The following RAP1GAP2 variants were observed in gnomAD, a reference collection of about 807,000 sequenced individuals.
The protein encoded by RAP1GAP2 is RAP1 GTPase activating protein 2.
In RAP1GAP2, 27 loss-of-function variants were observed where a neutral mutation model predicts 95.0. That is an observed-to-expected ratio of 0.28 (90% confidence interval 0.21 to 0.39). The LOEUF (loss-of-function observed/expected upper bound fraction) is 0.39. Among genes scored for constraint, RAP1GAP2 ranks in the 10% least tolerant of loss-of-function variants. RAP1GAP2 has a pLI of 1.00. For missense variants in RAP1GAP2, 771 were observed against 970.0 expected (o/e 0.79, Z 2.72); for synonymous variants, 373 against 380.9 (o/e 0.98, Z 0.24).
chr17:2,961,223 A>T (rs572291078), intron 4 of RAP1GAP2, among the ~76,000 whole-genome samples: 1 of 145,200 alleles, frequency 6.9e-6, no homozygotes, highest in East Asian at 2.1e-4. Flanking sequence ...ATCTCAAAAA[A>T]AAAAGAAGAG....
chr17:2,863,452 C>T (rs1026372230), intron 2 of RAP1GAP2, among the ~76,000 whole-genome samples: 8 of 152,294 alleles, frequency 5.3e-5, no homozygotes, highest in Middle Eastern at 3.4e-3. Context: ...CATGTCGGCC[C>T]CATGTGTGTC....
chr17:2,857,797 G>A lies in RAP1GAP2; in HGVS notation c.81-47487G>A, dbSNP rs2072207251. Among the ~76,000 whole-genome samples, 2 of 152,136 alleles carry A rather than the reference G, an allele frequency of 1.3e-5. No homozygotes were observed. Among genetic ancestry groups the A allele is most frequent in the African/African-American group, 4.8e-5 (2 of 41,432 alleles). On this transcript the variant is annotated intron_variant, in intron 2 of 24. Coordinates refer to ENST00000254695, the MANE Select transcript of RAP1GAP2 (RefSeq NM_015085.5). The surrounding 1 kb of genome is among the most constrained non-coding windows in gnomAD (Gnocchi z 4.0). ...GGGAAGGACGGAGGCCGAGGAACACGATCAAAATATGTACGTTCTTGGCCG... is the reference window on the plus strand; with the variant it reads ...GGGAAGGACGGAGGCCGAGGAACACAATCAAAATATGTACGTTCTTGGCCG...
chr17:3,029,313 G>A lies in RAP1GAP2; in HGVS notation c.2108-1609G>A, dbSNP rs759369049. Among the ~76,000 whole-genome samples, 8 of 152,140 alleles carry A rather than the reference G, an allele frequency of 5.3e-5. No individual in the cohort carries two copies. The highest frequency in any genetic ancestry group is 1.0e-4 in the Non-Finnish European group (7 of 68,036). Reference sequence around the variant, plus strand: ...GGAGCGGGTCTGGTGACTTATGGCCGGTGCTTCCCACACCACACGGTGAGG... The same window carrying A: ...GGAGCGGGTCTGGTGACTTATGGCCAGTGCTTCCCACACCACACGGTGAGG... On this transcript the variant is annotated intron_variant, in intron 22 of 24. Coordinates refer to ENST00000254695, the MANE Select transcript of RAP1GAP2 (RefSeq NM_015085.5). The surrounding 1 kb of genome is among the most constrained non-coding windows in gnomAD (Gnocchi z 4.4).
At chr17:2,766,171 G>T (rs976610209) in intron 1 of RAP1GAP2, among the ~76,000 whole-genome samples, 2 of 152,168 alleles carry the variant, frequency 1.3e-5, no homozygotes, top group Non-Finnish European at 2.9e-5. Flanking sequence ...TTAGATCCGG[G>T]ACACTGTGCG....
At position 2,902,105 on chromosome 17, in the gene RAP1GAP2, C is replaced by T. The variant is rs1307163385; in HGVS notation, c.81-3179C>T. Among the ~76,000 whole-genome samples the T allele has an allele frequency of 6.6e-6, 1 of 152,238 alleles. No individual in the cohort carries two copies. Among genetic ancestry groups the T allele is most frequent in the Non-Finnish European group, 1.5e-5 (1 of 68,050 alleles). ...AATCCTTCCTCGCCTCTTCTAGCCTCTGGCGGGGTCGGCAAGCCTCAGCAT... is the reference window on the plus strand; with the variant it reads ...AATCCTTCCTCGCCTCTTCTAGCCTTTGGCGGGGTCGGCAAGCCTCAGCAT... On this transcript the variant is annotated intron_variant, in intron 2 of 24. Transcript: ENST00000254695. The surrounding 1 kb of genome is among the most constrained non-coding windows in gnomAD (Gnocchi z 4.1).
chr17:2,951,740 A>G (rs1389945737), intron 3 of RAP1GAP2, among the ~76,000 whole-genome samples: 1 of 151,658 alleles, frequency 6.6e-6, no homozygotes, highest in Non-Finnish European at 1.5e-5. Flanking sequence ...AAATAAAAAG[A>G]CGTGAAACCT....
intron 5 of RAP1GAP2, 159 bp downstream of exon 5, chr17:2,962,873 G>T: frequency 1.5e-6 from 1 of 680,698 alleles, no homozygotes; most frequent in Non-Finnish European, 2.4e-6. Context: ...TGTTAGACCA[G>T]TGCACGGTGG....
At position 2,866,724 on chromosome 17, in the gene RAP1GAP2, C is replaced by T. The variant is rs1434222881; in HGVS notation, c.81-38560C>T. Among the ~76,000 whole-genome samples, 2 of 151,736 alleles carry T rather than the reference C, an allele frequency of 1.3e-5. No homozygotes were observed. The highest frequency in any genetic ancestry group is 2.4e-5 in the African/African-American group (1 of 41,266). Reference sequence around the variant, plus strand: ...AAGCGATTCTCCTGTCTCAGCCTCCCGAGTAGCTGGGATTACAGGTGTCCG... The same window carrying T: ...AAGCGATTCTCCTGTCTCAGCCTCCTGAGTAGCTGGGATTACAGGTGTCCG... On this transcript the variant is annotated intron_variant, in intron 2 of 24. Coordinates refer to ENST00000254695, the MANE Select transcript of RAP1GAP2 (RefSeq NM_015085.5). This position sits in a 1 kb window ranked among gnomAD's most constrained non-coding sequence, Gnocchi z 4.0.
chr17:2,995,590 G>C, intron 13 of RAP1GAP2, 124 bp downstream of exon 13: 2 of 1,339,808 alleles, frequency 1.5e-6, no homozygotes, highest in South Asian at 1.3e-5. Context: ...CATTCGTTCA[G>C]CTGCGCAGCA....
intron 12 of RAP1GAP2, among the ~76,000 whole-genome samples, chr17:2,991,734 T>C (rs1344548114): frequency 1.3e-5 from 2 of 152,132 alleles, no homozygotes; most frequent in African/African-American, 4.8e-5. Flanking sequence ...CCGTGCAGTT[T>C]TGGGGGGAAA....
At chr17:2,886,171 A>ATTTT (rs564574824) in intron 2 of RAP1GAP2, among the ~76,000 whole-genome samples, 1 of 123,360 alleles carries the variant, frequency 8.1e-6, no homozygotes, top group Admixed American at 8.8e-5. Context: ...GTATATATAT[A>ATTTT]TTTTTTTTTT....
intron 3 of RAP1GAP2, among the ~76,000 whole-genome samples, chr17:2,927,222 C>A (rs535258159): frequency 6.6e-6 from 1 of 151,290 alleles, no homozygotes; most frequent in Non-Finnish European, 1.5e-5. Flanking sequence ...GGCGCGATCT[C>A]GGCTCACTGC....
upstream of RAP1GAP2, among the ~76,000 whole-genome samples, chr17:2,791,522 G>C (rs2068923568): frequency 6.6e-6 from 1 of 152,206 alleles, no homozygotes; most frequent in African/African-American, 2.4e-5. Flanking sequence ...GTGCATTTCT[G>C]TGGATCCAGA....
At chr17:2,786,296 G>A (rs1198998961) in intron 1 of RAP1GAP2, among the ~76,000 whole-genome samples, 1 of 152,266 alleles carries the variant, frequency 6.6e-6, no homozygotes, top group Non-Finnish European at 1.5e-5. Flanking sequence ...GCTGGAATCC[G>A]TGTGTTCTGA....
At chr17:2,833,296 C>G (rs1310717419) in intron 2 of RAP1GAP2, among the ~76,000 whole-genome samples, 1 of 151,354 alleles carries the variant, frequency 6.6e-6, no homozygotes, top group Admixed American at 6.6e-5. Context: ...GCACACACCA[C>G]CATGCCTGAT....
intron 3 of RAP1GAP2, among the ~76,000 whole-genome samples, chr17:2,913,148 A>C (rs2042445934): frequency 6.6e-6 from 1 of 152,130 alleles, no homozygotes; most frequent in Non-Finnish European, 1.5e-5. Context: ...ACTGCACTCT[A>C]GCCTGGGTGA....
intron 4 of RAP1GAP2, among the ~76,000 whole-genome samples, chr17:2,958,443 G>T (rs2044199093): frequency 6.6e-6 from 1 of 152,102 alleles, no homozygotes; most frequent in Non-Finnish European, 1.5e-5. Context: ...CAGAGGCCCG[G>T]CAGGGTTCAT....
intron 21 of RAP1GAP2, 24 bp from the exon 22 acceptor site, chr17:3,026,920 C>G (rs374743003): frequency 9.7e-6 from 15 of 1,546,280 alleles, no homozygotes; most frequent in African/African-American, 1.4e-5. Context: ...GGGCTGGCCT[C>G]GCTCACCCTG....
chr17:2,926,782 A>G (rs2042967944), intron 3 of RAP1GAP2, among the ~76,000 whole-genome samples: 1 of 151,902 alleles, frequency 6.6e-6, no homozygotes, highest in African/African-American at 2.4e-5. Context: ...AGGCGGGCGG[A>G]TCACCTGAGG....
Sources: allele counts gnomAD v4.1 joint callset (sites outside exome capture counted in the v4.1 genomes callset), GRCh38; gene constraint gnomAD v4.1.1; non-coding constraint Gnocchi (gnomAD v3.1); transcripts MANE v1.5; gene names NCBI Gene and HGNC (gene_info 2026-07-23, HGNC 2026-07-21).